The following MRPL32 variants were observed in gnomAD, a reference collection of about 807,000 sequenced individuals.
The protein encoded by MRPL32 is large ribosomal subunit protein bL32m.
MRPL32 carries 14 observed loss-of-function variants against 21.7 expected under a neutral mutation model. The ratio of observed to expected loss-of-function variants is 0.64; its 90% CI spans 0.43 to 1.01. The LOEUF (loss-of-function observed/expected upper bound fraction) is 1.01. Ranked by LOEUF, MRPL32 falls within the 50% of genes least tolerant of loss-of-function variation. The pLI, the probability that MRPL32 is intolerant of heterozygous loss-of-function variation, is 0.00. For missense variants in MRPL32, 211 were observed against 235.9 expected (o/e 0.89, Z 0.69); for synonymous variants, 83 against 87.7 (o/e 0.95, Z 0.30).
chr7:42,935,034 C>G lies in MRPL32; in HGVS notation c.210C>G (p.Ser70Arg). The G allele has an allele frequency of 6.2e-7, 1 of 1,613,972 alleles. No homozygotes were observed. Among genetic ancestry groups the G allele is most frequent in the Non-Finnish European group, 8.5e-7 (1 of 1,179,932 alleles). The change falls in exon 2 of 3, where the codon AGC becomes AGG. Residue 70 changes from serine (S) to arginine (R), a missense_variant. Ser to Arg is a moderately radical substitution (Grantham distance 110). Around this residue, in one of 2 missense-constraint regions of MRPL32, gnomAD observed 130 missense variants for 180.1 expected, o/e 0.72. Coordinates refer to ENST00000223324, the MANE Select transcript of MRPL32 (RefSeq NM_031903.3). The stretch of plus-strand genomic sequence containing the variant: ...CCAGTGGAAGTAAAGAGAATTCCAG[C>G]CTTTTGGACAGTATCTTTTGGATGG... ...NDTSGSKENS[S>R]LLDSIFWMAA...
chr7:42,937,134 T>C (rs1562706791), intron 2 of MRPL32, 188 bp from the exon 3 acceptor site: 1 of 1,443,434 alleles, frequency 6.9e-7, no homozygotes, highest in East Asian at 2.6e-5. Context: ...AGTTTTTCTC[T>C]AATTCAAACT....
intron 1 of MRPL32, among the ~76,000 whole-genome samples, chr7:42,933,471 C>T (rs1410690567): frequency 6.6e-6 from 1 of 151,634 alleles, no homozygotes; most frequent in East Asian, 1.9e-4. Context: ...TCCCCTCTCC[C>T]CCCTCTCCTC....
At position 42,937,634 on chromosome 7, in the gene MRPL32, A is replaced by G; in HGVS notation, c.*58A>G. On this transcript the variant is annotated 3_prime_UTR_variant, in exon 3 of 3. Coordinates refer to ENST00000223324, the MANE Select transcript of MRPL32 (RefSeq NM_031903.3). Reference sequence around the variant, plus strand: ...AAATCATTTCTCCTGAAATAGAGGAAGATTCTTTATGTTGTTGTGCTTGTT... The same window carrying G: ...AAATCATTTCTCCTGAAATAGAGGAGGATTCTTTATGTTGTTGTGCTTGTT... 6.7e-7 allele frequency: 1 copy of G among 1,499,576 alleles called. No individual in the cohort carries two copies. The highest frequency in any genetic ancestry group is 9.0e-7 in the Non-Finnish European group (1 of 1,111,198). The allele number at this position is 1,499,576 out of a possible 1,614,324, so 92.9% of individuals were successfully genotyped here.
At chr7:42,933,141 A>AT (rs1786360115) in intron 1 of MRPL32, among the ~76,000 whole-genome samples, 1 of 152,160 alleles carries the variant, frequency 6.6e-6, no homozygotes, top group Non-Finnish European at 1.5e-5. Flanking sequence ...CGTATTTACA[A>AT]TTATATGCCC....
chr7:42,937,772 G>A lies in MRPL32; in HGVS notation c.*196G>A, dbSNP rs2128676545. 4.2e-6 allele frequency: 2 copies of A among 475,090 alleles called. No individual in the cohort carries two copies. The highest frequency in any genetic ancestry group is 4.8e-5 in the South Asian group (1 of 20,726). 29.4% of individuals were successfully genotyped at this position (475,090 alleles called of 1,614,324 possible). A position where few individuals can be genotyped will look rare whatever the true frequency, so the allele number is the denominator to read the frequency against. On this transcript the variant is annotated 3_prime_UTR_variant, in exon 3 of 3. Coordinates refer to ENST00000223324, the MANE Select transcript of MRPL32 (RefSeq NM_031903.3). ...AATTTTGTTTATCCAAAGGCTCAAT[G>A]GATTATGTTTCTATTATATACAAGG...
At chr7:42,936,974 T>C (rs1277588396) in intron 2 of MRPL32, 2 of 356,266 alleles carry the variant, frequency 5.6e-6, no homozygotes, top group East Asian at 7.2e-5. Context: ...GCTGATTGTT[T>C]GGGTCACTTC....
At chr7:42,932,691 C>T (rs1786345796) in intron 1 of MRPL32, among the ~76,000 whole-genome samples, 175 bp downstream of exon 1, 1 of 85,546 alleles carries the variant, frequency 1.2e-5, no homozygotes, top group Admixed American at 1.4e-4. Context: ...TTTTTGCGCT[C>T]CCTCCACCGC....
At chr7:42,937,053 C>CT in intron 2 of MRPL32, 1 of 593,492 alleles carries the variant, frequency 1.7e-6, no homozygotes, top group Non-Finnish European at 2.9e-6. Flanking sequence ...TTTCTTTTTT[C>CT]TTTTTTACAT....
chr7:42,936,082 A>C (rs940887880), intron 2 of MRPL32: 2 of 152,216 alleles, frequency 1.3e-5, no homozygotes, highest in African/African-American at 4.8e-5. Flanking sequence ...CTTAGAACTT[A>C]AGCCAGAAAG....
At chr7:42,937,006 T>C in intron 2 of MRPL32, 1 of 392,528 alleles carries the variant, frequency 2.5e-6, no homozygotes, top group Non-Finnish European at 4.9e-6. Flanking sequence ...AAATTCCTTA[T>C]TTGATATTTA....
chr7:42,932,495 G>A lies in MRPL32; in HGVS notation c.109G>A (p.Gly37Ser). The stretch of plus-strand genomic sequence containing the variant: ...ACGGAAGCTTCCGCAGAGCCGGCCG[G>A]GCTTTCCCAGTCCTCCGTGGGGTAG... ...LLRKLPQSRP[G>S]FPSPPWGPAL... Residue 37 changes from glycine to serine, a missense_variant, in exon 1 of 3, where the codon GGC (glycine) becomes AGC (serine). This residue lies in a region of MRPL32 where 81 missense variants were observed against 55.8 expected (regional missense o/e 1.45). Coordinates refer to ENST00000223324, the MANE Select transcript of MRPL32 (RefSeq NM_031903.3). 1 of 1,609,474 alleles carries A rather than the reference G, an allele frequency of 6.2e-7. No individual in the cohort carries two copies. The highest frequency in any genetic ancestry group is 8.5e-7 in the Non-Finnish European group (1 of 1,176,586).
chr7:42,937,481 G>T lies in MRPL32; in HGVS notation c.472G>T (p.Val158Leu), dbSNP rs1786447557. The T allele has an allele frequency of 6.2e-7, 1 of 1,614,066 alleles. No individual in the cohort carries two copies. The highest frequency in any genetic ancestry group is 8.5e-7 in the Non-Finnish European group (1 of 1,180,020). The change falls in exon 3 of 3, where the codon GTG becomes TTG. Residue 158 changes from valine (V) to leucine (L), a missense_variant. Physicochemically the swap from Val to Leu is conservative, Grantham distance 32 (BLOSUM62 1). Coordinates refer to ENST00000223324, the MANE Select transcript of MRPL32 (RefSeq NM_031903.3). ...PFKAPTIETVVLYTGETPSEQ... is the reference protein window; with the variant it reads ...PFKAPTIETVLLYTGETPSEQ... ...TAAGGCTCCCACCATAGAGACTGTG[G>T]TGCTGTACACGGGAGAGACACCGTC...
At chr7:42,933,283 A>G (rs1267598025) in intron 1 of MRPL32, among the ~76,000 whole-genome samples, 1 of 151,986 alleles carries the variant, frequency 6.6e-6, no homozygotes, top group African/African-American at 2.4e-5. Context: ...AGGTCATCCT[A>G]GGATACAGCC....
chr7:42,936,151 CT>C (rs1786418494), intron 2 of MRPL32: 1 of 152,164 alleles, frequency 6.6e-6, no homozygotes, highest in African/African-American at 2.4e-5. Context: ...CACTTTATTA[CT>C]TAAGACTTAC....
chr7:42,936,686 C>CTATATATATATATATATA (rs201488171), intron 2 of MRPL32: 1 of 129,324 alleles, frequency 7.7e-6, no homozygotes, highest in South Asian at 2.5e-4. Context: ...CTATATCTAT[C>CTATATATATATATATATA]TCTATATATA....
chr7:42,937,619 T>G lies in MRPL32; in HGVS notation c.*43T>G. 1 of 1,539,900 alleles carries G rather than the reference T, an allele frequency of 6.5e-7. No individual in the cohort carries two copies. Among genetic ancestry groups the G allele is most frequent in the Non-Finnish European group, 8.8e-7 (1 of 1,139,316 alleles). ...GGGTAACTTCACAGTAAATCATTTCTCCTGAAATAGAGGAAGATTCTTTAT... is the reference window on the plus strand; with the variant it reads ...GGGTAACTTCACAGTAAATCATTTCGCCTGAAATAGAGGAAGATTCTTTAT... On this transcript the variant is annotated 3_prime_UTR_variant, in exon 3 of 3. Coordinates refer to ENST00000223324, the MANE Select transcript of MRPL32 (RefSeq NM_031903.3).
intron 1 of MRPL32, 45 bp from the exon 2 acceptor site, chr7:42,934,910 A>T: frequency 7.0e-7 from 1 of 1,436,676 alleles, no homozygotes; most frequent in Non-Finnish European, 9.3e-7. Context: ...ATAGTAATTT[A>T]GAAGCTAGAA....
chr7:42,934,134 GGT>G (rs1786382655), intron 1 of MRPL32, among the ~76,000 whole-genome samples: 1 of 151,914 alleles, frequency 6.6e-6, no homozygotes, highest in Non-Finnish European at 1.5e-5. Flanking sequence ...CAGGCGTGGT[GGT>G]GCACACCTGT....
chr7:42,934,930 G>C (rs753295323), intron 1 of MRPL32, 25 bp from the exon 2 acceptor site: 1 of 1,510,892 alleles, frequency 6.6e-7, no homozygotes, highest in Non-Finnish European at 8.8e-7. Flanking sequence ...AACTAATTCT[G>C]TATCTCTTAT....
Sources: gnomAD v4.1 joint callset for allele counts (sites outside exome capture counted in the v4.1 genomes callset) on GRCh38, gnomAD v4.1.1 for gene constraint, gnomAD v4.1.1 regional missense constraint, MANE v1.5 for transcripts, NCBI Gene and HGNC (gene_info 2026-07-23, HGNC 2026-07-21) for gene names.